Variants in VWA3B observed in about 807,000 individuals in gnomAD.
VWA3B encodes the protein von Willebrand factor A domain-containing protein 3B.
Under a neutral mutation model 158.3 loss-of-function variants are expected in VWA3B, and 138 were observed. The ratio of observed to expected loss-of-function variants is 0.87; its 90% confidence interval spans 0.76 to 1.00. The LOEUF is 1.00. Ranked by LOEUF, VWA3B falls within the 50% of genes least tolerant of loss-of-function variation. The pLI is 0.00. For missense variants in VWA3B, 1,555 were observed against 1,565.1 expected, an observed-to-expected ratio of 0.99 and a Z score of 0.11; for synonymous variants, 596 against 587.3, an observed-to-expected ratio of 1.01 and a Z score of -0.21.
At chr2:98,153,331 T>C (rs1201461844) in intron 7 of VWA3B, among the ~76,000 whole-genome samples, 3 of 152,220 alleles carry the variant, frequency 2.0e-5, no homozygotes, top group African/African-American at 7.2e-5. Flanking sequence ...CAAATGTCCT[T>C]AGAACAGCTA....
chr2:98,207,494 A>G lies in VWA3B; in HGVS notation c.1738-4436A>G, dbSNP rs1167849008. The stretch of plus-strand genomic sequence containing the variant: ...GGTATGGATTAACTTTCTGAGGAAG[A>G]CAAGTTGACTGTGTCTTGAATGTGG... On this transcript the variant is annotated intron_variant, in intron 12 of 27. Transcript: ENST00000477737. 14 of 508,218 alleles carry G rather than the reference A, an allele frequency of 2.8e-5. No homozygotes were observed. The Admixed American group carries it at 2.8e-4, about 10-fold the overall frequency. 31.5% of individuals were successfully genotyped at this position (508,218 alleles called of 1,614,324 possible). A position where few individuals can be genotyped will look rare whatever the true frequency, so the allele number is the denominator to read the frequency against.
chr2:98,198,279 T>C (rs1206872291), intron 12 of VWA3B, among the ~76,000 whole-genome samples: 1 of 152,180 alleles, frequency 6.6e-6, no homozygotes, highest in African/African-American at 2.4e-5. Flanking sequence ...ACTGTACATA[T>C]AGTTTCGATA....
rs982746441 is a variant in VWA3B at position 98,173,834 on chromosome 2, C to A, written c.1115-7182C>A. ...TACAAAAATTAGCTGGGTGTAGTGG[C>A]GGGCGCCTGTAGTCCCAGCTACTCG... On this transcript the variant is annotated intron_variant, in intron 8 of 27. Coordinates refer to ENST00000477737, the MANE Select transcript of VWA3B (RefSeq NM_144992.5). Among the ~76,000 whole-genome samples the A allele has an allele frequency of 2.0e-5, 3 of 151,856 alleles. No homozygotes were observed. The South Asian group carries it at 6.2e-4, about 32-fold the overall frequency.
chr2:98,119,478 T>G (rs764633153), intron 3 of VWA3B, 35 bp from the exon 4 acceptor site: 9 of 1,607,422 alleles, frequency 5.6e-6, no homozygotes, highest in Admixed American at 3.3e-5. Flanking sequence ...TATTTTGGTG[T>G]TGTTTTATTG....
At chr2:98,242,270 A>G (rs1488037503) in intron 19 of VWA3B, 1 of 456,116 alleles carries the variant, frequency 2.2e-6, no homozygotes, top group Non-Finnish European at 4.4e-6. Flanking sequence ...TTCCCGGACC[A>G]GCCTCAAATC....
chr2:98,320,306 G>A, the VWA3B span, among the ~76,000 whole-genome samples: 79 of 152,162 alleles, frequency 5.2e-4, no homozygotes, highest in African/African-American at 1.6e-3. Context: ...CCATTAAATC[G>A]CTTTTCTTTC....
At chr2:98,174,093 T>C (rs1325286285) in intron 8 of VWA3B, among the ~76,000 whole-genome samples, 1 of 152,206 alleles carries the variant, frequency 6.6e-6, no homozygotes, top group South Asian at 2.1e-4. Context: ...GTTAAGGACC[T>C]TCAAAACTTC....
chr2:98,132,824 T>G (rs890315122), intron 6 of VWA3B, among the ~76,000 whole-genome samples: 1 of 152,208 alleles, frequency 6.6e-6, no homozygotes. Flanking sequence ...GAGGCTGACA[T>G]TTTAATTGCC....
intron 21 of VWA3B, among the ~76,000 whole-genome samples, chr2:98,270,280 T>C (rs1023641658): frequency 2.1e-4 from 32 of 152,254 alleles, no homozygotes; most frequent in African/African-American, 7.7e-4. Context: ...TTGCTTTGCT[T>C]TGTTTTTCAG....
Position 98,093,301 on chromosome 2 carries a change from C to G in VWA3B, c.196+13C>G. 1 of 1,611,112 alleles carries G rather than the reference C, an allele frequency of 6.2e-7. No homozygotes were observed. The highest frequency in any genetic ancestry group is 8.5e-7 in the Non-Finnish European group (1 of 1,177,598). ...CCACATTGTGAAGGTACAGTACTCA[C>G]AAACAACCAGCATGCTGCCATTTAG... On this transcript the variant is annotated intron_variant, in intron 2 of 27. Transcript: ENST00000477737.
chr2:98,228,357 C>T lies in VWA3B; in HGVS notation c.2150+25C>T, dbSNP rs746878482. 21 of 1,604,116 alleles carry T rather than the reference C, an allele frequency of 1.3e-5. No homozygotes were observed. The Admixed American group carries it at 1.9e-4, about 14-fold the overall frequency. ...AGTGAGCACCTCTGCCCGCCTGTCT[C>T]CCTGCGCTGAGGCCTCTTGAGAGCT... On this transcript the variant is annotated intron_variant, in intron 15 of 27. Coordinates refer to ENST00000477737, the MANE Select transcript of VWA3B (RefSeq NM_144992.5).
At chr2:98,138,059 T>C (rs1404136225) in intron 7 of VWA3B, among the ~76,000 whole-genome samples, 2 of 152,236 alleles carry the variant, frequency 1.3e-5, no homozygotes, top group African/African-American at 4.8e-5. Flanking sequence ...TGGCTCCATG[T>C]GGCCCTGCTC....
In VWA3B at chr2:98,162,842, C is replaced by T. The variant is rs1018973886; in HGVS notation, c.989-9C>T. On this transcript the variant is annotated splice_polypyrimidine_tract_variant and intron_variant, in intron 7 of 27. Transcript: ENST00000477737. Reference sequence around the variant, plus strand: ...CAGCCGGCCGCTCATGCTGTGTCTCCCCTTTTAGGAGCTGGAGTCAGAGAG... The same window carrying T: ...CAGCCGGCCGCTCATGCTGTGTCTCTCCTTTTAGGAGCTGGAGTCAGAGAG... The T allele has an allele frequency of 3.1e-6, 5 of 1,613,148 alleles. No homozygotes were observed. Among genetic ancestry groups the T allele is most frequent in the East Asian group, 2.2e-5 (1 of 44,878 alleles).
At chr2:98,172,689 A>G (rs866428593) in intron 8 of VWA3B, among the ~76,000 whole-genome samples, 3 of 152,116 alleles carry the variant, frequency 2.0e-5, no homozygotes, top group African/African-American at 7.2e-5. Context: ...GGTGGGGGAG[A>G]TGGAGGTGTC....
At chr2:98,327,686 T>C in the VWA3B span, among the ~76,000 whole-genome samples, 2 of 152,142 alleles carry the variant, frequency 1.3e-5, no homozygotes, top group Non-Finnish European at 1.5e-5. Context: ...GTTATAGAAA[T>C]CAGTCAAAGA....
At chr2:98,102,605 G>A (rs1683165502) in intron 2 of VWA3B, among the ~76,000 whole-genome samples, 1 of 152,228 alleles carries the variant, frequency 6.6e-6, no homozygotes, top group South Asian at 2.1e-4. Context: ...AGTCAAGGAA[G>A]TTAGCGAAAA....
At chr2:98,145,294 A>T (rs1677089325) in intron 7 of VWA3B, among the ~76,000 whole-genome samples, 1 of 152,184 alleles carries the variant, frequency 6.6e-6, no homozygotes, top group Non-Finnish European at 1.5e-5. Context: ...GTTGCTTTGT[A>T]TGTGCCAGGC....
intron 15 of VWA3B, among the ~76,000 whole-genome samples, chr2:98,229,630 A>G (rs12052316): frequency 0.9 from 136,714 of 152,276 alleles, 61,656 homozygotes; most frequent in East Asian, 0.97. Flanking sequence ...GTAGACACTG[A>G]TTAGAGAATG....
At chr2:98,138,992 G>A (rs1404425456) in intron 7 of VWA3B, among the ~76,000 whole-genome samples, 5 of 152,230 alleles carry the variant, frequency 3.3e-5, no homozygotes, top group Non-Finnish European at 7.4e-5. Flanking sequence ...AGCTTGCAGG[G>A]AGGTGTGGAG....
Sources: allele counts gnomAD v4.1 joint callset (sites outside exome capture counted in the v4.1 genomes callset), GRCh38; gene constraint gnomAD v4.1.1; transcripts MANE v1.5; gene names NCBI Gene and HGNC (gene_info 2026-07-23, HGNC 2026-07-21).